ANKS3: variants seen among roughly 807,000 people sequenced by gnomAD.
The protein encoded by ANKS3 is ankyrin repeat and sterile alpha motif domain containing 3, also known as ankyrin repeat and SAM domain-containing protein 3.
In ANKS3, 62 loss-of-function variants were observed where a neutral mutation model predicts 80.7. That is an observed-to-expected ratio of 0.77 (90% CI 0.63 to 0.95). ANKS3 has a LOEUF of 0.95. Among genes scored for constraint, ANKS3 ranks in the 40% least tolerant of loss-of-function variants. The probability of loss-of-function intolerance (pLI) is 0.00; values close to 1 mark genes in which losing one functional copy is unlikely to be tolerated. For synonymous variants in ANKS3, 489 were observed against 355.3 expected, an observed-to-expected ratio of 1.38 and a Z score of -4.23; for missense variants, 1,150 against 883.6, an observed-to-expected ratio of 1.30 and a Z score of -3.82.
chr16:4,701,121 G>A lies in ANKS3; in HGVS notation c.1133C>T (p.Ala378Val), dbSNP rs1306836234. ...TTGTTTGCGAGCTGAGCTTTTACAG[G>A]CATGATCCGAGTCCTGCAGTGAGAG... ...SVESNEDSDH[A>V]CKSSARKQAK... The change falls in exon 11 of 18, where the codon GCC (alanine) becomes GTC (valine). Residue 378 changes from alanine to valine, a missense_variant. Coordinates refer to ENST00000304283, the MANE Select transcript of ANKS3 (RefSeq NM_133450.4). The A allele has an allele frequency of 6.2e-7, 1 of 1,613,940 alleles. No individual in the cohort carries two copies. The highest frequency in any genetic ancestry group is 8.5e-7 in the Non-Finnish European group (1 of 1,180,040).
intron 2 of ANKS3, among the ~76,000 whole-genome samples, chr16:4,731,211 C>T (rs912352821): frequency 6.6e-6 from 1 of 152,172 alleles, no homozygotes; most frequent in African/African-American, 2.4e-5. Flanking sequence ...ATGACTGTGA[C>T]GGTGGATCTG....
intron 7 of ANKS3, among the ~76,000 whole-genome samples, chr16:4,710,122 T>C (rs1052412703): frequency 6.6e-6 from 1 of 151,930 alleles, no homozygotes; most frequent in African/African-American, 2.4e-5. Context: ...TTATCAGAGG[T>C]TGGGGGTGGG....
rs1271265935 is a variant in ANKS3, at chr16:4,725,658, G to GT, written c.492-828dup. On this transcript the variant is annotated intron_variant, in intron 5 of 17. Coordinates refer to ENST00000304283, the MANE Select transcript of ANKS3 (RefSeq NM_133450.4). ...TTCCAACTTATAAAACTCATGACTG[G>GT]TTTTTTGTTTGTTTTTGAGACAGAG... Among the ~76,000 whole-genome samples, 4 of 152,004 alleles carry GT rather than the reference G, an allele frequency of 2.6e-5. No individual in the cohort carries two copies. In the East Asian group the frequency reaches 7.7e-4, roughly 29 times the overall value.
chr16:4,729,926 A>T, intron 3 of ANKS3, 54 bp downstream of exon 3: 2 of 1,393,722 alleles, frequency 1.4e-6, no homozygotes, highest in Non-Finnish European at 9.4e-7. Context: ...CGTGGGATCG[A>T]AGCCATCACT....
chr16:4,734,249 C>G lies in ANKS3; in HGVS notation c.-382G>C, dbSNP rs1273820331. The G allele has an allele frequency of 1.3e-5, 2 of 156,270 alleles. No individual in the cohort carries two copies. The highest frequency in any genetic ancestry group is 2.0e-4 in the South Asian group (1 of 4,900). The allele number at this position is 156,270 out of a possible 1,614,324, so 9.7% of individuals were successfully genotyped here. On this transcript the variant is annotated 5_prime_UTR_variant, in exon 1 of 18. Transcript: ENST00000304283. Reference sequence around the variant, plus strand: ...GCCACGCTCCCTCGCCGGGGCACCGCCCCCGGCACCCGCCCCGGAAGTAGT... The same window carrying G: ...GCCACGCTCCCTCGCCGGGGCACCGGCCCCGGCACCCGCCCCGGAAGTAGT...
chr16:4,710,025 C>A (rs1448439951), intron 7 of ANKS3, among the ~76,000 whole-genome samples: 2 of 151,616 alleles, frequency 1.3e-5, no homozygotes, highest in Admixed American at 1.3e-4. Context: ...ACCAAACAAA[C>A]AACAAAAAAG....
chr16:4,724,205 C>T (rs534134884), intron 6 of ANKS3, among the ~76,000 whole-genome samples: 1 of 152,176 alleles, frequency 6.6e-6, no homozygotes, highest in South Asian at 2.1e-4. Flanking sequence ...ATAAGAAACT[C>T]ATTAAATTAA....
chr16:4,733,854 C>T (rs888916711), intron 1 of ANKS3, 84 bp downstream of exon 1: 1 of 909,560 alleles, frequency 1.1e-6, no homozygotes, highest in Non-Finnish European at 1.3e-6. Flanking sequence ...CACCCAGGCA[C>T]CCCCTCTCGC....
chr16:4,707,770 A>C (rs2080275581), intron 7 of ANKS3, among the ~76,000 whole-genome samples: 1 of 152,222 alleles, frequency 6.6e-6, no homozygotes, highest in Non-Finnish European at 1.5e-5. Flanking sequence ...AACTGTATAC[A>C]GATAATAGAG....
intron 7 of ANKS3, 43 bp downstream of exon 7, chr16:4,714,008 C>A: frequency 6.2e-7 from 1 of 1,604,664 alleles, no homozygotes; most frequent in East Asian, 2.2e-5. Context: ...AAGCTCAAGG[C>A]AACCAGAGAC....
Position 4,702,157 on chromosome 16 carries a change from G to A in ANKS3, c.954C>T (p.Val318=), listed in dbSNP as rs144903404. The change falls in exon 9 of 18, where the codon GTC becomes GTT. Residue 318 remains valine (V), a synonymous_variant. Coordinates refer to ENST00000304283, the MANE Select transcript of ANKS3 (RefSeq NM_133450.4). ...LEEEGLCCRD[V]TSPINERDVE... is the part of the protein sequence containing the mutation. Reference sequence around the variant, plus strand: ...CATCCCGCTCATTGATGGGGGAGGTGACATCCCGGCAGCAGAGGCCCTCTT... The same window carrying A: ...CATCCCGCTCATTGATGGGGGAGGTAACATCCCGGCAGCAGAGGCCCTCTT... 3.8e-4 allele frequency: 608 copies of A among 1,595,594 alleles called. 5 individuals carry two copies. In the East Asian group the frequency reaches 0.012, roughly 32 times the overall value.
chr16:4,705,366 A>G lies in ANKS3; in HGVS notation c.710-113T>C. ...CGCCGGTTTTGTTAAATTAAGGAGA[A>G]GGGTATCTGCCAGGGCATCACTTCT... On this transcript the variant is annotated intron_variant, in intron 7 of 17. Transcript: ENST00000304283. 3.1e-6 allele frequency: 4 copies of G among 1,294,238 alleles called. No individual in the cohort carries two copies. The East Asian group carries it at 9.9e-5, about 32-fold the overall frequency. The allele number at this position is 1,294,238 out of a possible 1,614,324, so 80.2% of individuals were successfully genotyped here.
In ANKS3 at chr16:4,698,420, C is replaced by T. The variant is rs1041057588; in HGVS notation, c.1724+7G>A. ...GACCCAGCCCAGGGCAGCTCAGAGC[C>T]ACTCACCGCAGCTGGTCCAGGACGA... On this transcript the variant is annotated splice_region_variant and intron_variant, in intron 14 of 17. Transcript: ENST00000304283. The T allele has an allele frequency of 1.1e-5, 17 of 1,506,888 alleles. No homozygotes were observed. The highest frequency in any genetic ancestry group is 1.5e-5 in the Non-Finnish European group (17 of 1,132,762). 93.3% of individuals were successfully genotyped at this position (1,506,888 alleles called of 1,614,324 possible).
At chr16:4,719,825 A>AGAAACCC (rs2080994551) in intron 6 of ANKS3, among the ~76,000 whole-genome samples, 2 of 152,150 alleles carry the variant, frequency 1.3e-5, no homozygotes, top group Middle Eastern at 3.4e-3. Context: ...ATACAAAAAT[A>AGAAACCC]ATTATTTGCA....
intron 6 of ANKS3, among the ~76,000 whole-genome samples, chr16:4,715,659 C>T (rs1230418273): frequency 6.6e-6 from 1 of 152,020 alleles, no homozygotes; most frequent in East Asian, 1.9e-4. Flanking sequence ...CAAAATGAGA[C>T]CAAAAAAATT....
rs1409290735 is a variant in ANKS3 at position 4,714,366 on chromosome 16, T to C, written c.574-180A>G. 1.2e-5 allele frequency: 10 copies of C among 869,158 alleles called. No homozygotes were observed. The East Asian group carries it at 2.1e-4, about 19-fold the overall frequency. The allele number at this position is 869,158 out of a possible 1,614,324, so 53.8% of individuals were successfully genotyped here. ...TCTGCACCGCAGCCACAAGTTTTGC[T>C]CTCACTCTCTTCTTAGGGACAAGGA... On this transcript the variant is annotated intron_variant, in intron 6 of 17. Transcript: ENST00000304283.
intron 6 of ANKS3, among the ~76,000 whole-genome samples, chr16:4,715,145 T>C (rs138234539): frequency 3.3e-4 from 50 of 151,052 alleles, no homozygotes; most frequent in African/African-American, 8.7e-4. Context: ...TATGATCAAG[T>C]TGAAAAAGGA....
chr16:4,713,437 CCT>C (rs2080607974), intron 7 of ANKS3, among the ~76,000 whole-genome samples: 1 of 151,880 alleles, frequency 6.6e-6, no homozygotes, highest in Admixed American at 6.6e-5. Context: ...TAATTAATAC[CCT>C]GAGAGTTGGG....
chr16:4,711,384 T>A (rs1330112646), intron 7 of ANKS3, among the ~76,000 whole-genome samples: 18 of 151,658 alleles, frequency 1.2e-4, no homozygotes, highest in Non-Finnish European at 1.8e-4. Context: ...ATTATAGGCA[T>A]AAGCCACCGC....
Sources: allele counts gnomAD v4.1 joint callset (sites outside exome capture counted in the v4.1 genomes callset), GRCh38; gene constraint gnomAD v4.1.1; transcripts MANE v1.5; gene names NCBI Gene and HGNC (gene_info 2026-07-23, HGNC 2026-07-21).